PITPNM2: variants seen among roughly 807,000 people sequenced by gnomAD.
The protein encoded by PITPNM2 is membrane-associated phosphatidylinositol transfer protein 2.
A neutral mutation model predicts 132.2 loss-of-function variants in PITPNM2; 35 were observed. The observed-to-expected ratio is 0.26, with a 90% CI of 0.20 to 0.35. The LOEUF (loss-of-function observed/expected upper bound fraction) is 0.35. Among genes scored for constraint, PITPNM2 ranks in the 10% least tolerant of loss-of-function variants. The probability of loss-of-function intolerance (pLI) is 1.00; values close to 1 mark genes in which losing one functional copy is unlikely to be tolerated. For synonymous variants in PITPNM2, 738 were observed against 799.2 expected, an observed-to-expected ratio of 0.92 and a Z score of 1.29; for missense variants, 1,332 against 1,912.0, an observed-to-expected ratio of 0.70 and a Z score of 5.66.
chr12:123,011,680 G>A (rs1355702414), intron 5 of PITPNM2, among the ~76,000 whole-genome samples: 2 of 152,178 alleles, frequency 1.3e-5, no homozygotes, highest in Non-Finnish European at 2.9e-5. Flanking sequence ...CAGACACAGA[G>A]GGGAGTGACC....
chr12:123,088,719 A>G (rs2042181789), intron 2 of PITPNM2: 1 of 152,212 alleles, frequency 6.6e-6, no homozygotes, highest in Non-Finnish European at 1.5e-5. Flanking sequence ...TTCAGAAAAA[A>G]AGTTTACTCT....
In PITPNM2 at chr12:123,064,512, C is replaced by A. The variant is rs775193178; in HGVS notation, c.-95-29827G>T. ...CATCTTTCAACTGGCCCAAGCCCAT[C>A]GCGCACAGTCTGGCTCCTCTATCTT... On this transcript the variant is annotated intron_variant, in intron 2 of 25. Coordinates refer to ENST00000320201, the MANE Select transcript of PITPNM2 (RefSeq NM_020845.3). The surrounding 1 kb of genome is among the most constrained non-coding windows in gnomAD (Gnocchi z 4.0). Among the ~76,000 whole-genome samples the A allele has an allele frequency of 3.9e-5, 6 of 152,218 alleles. No individual in the cohort carries two copies. The highest frequency in any genetic ancestry group is 7.2e-5 in the African/African-American group (3 of 41,454).
chr12:123,112,760 T>G lies in PITPNM2; in HGVS notation c.-199-2272A>C, dbSNP rs185668743. Among the ~76,000 whole-genome samples the G allele has an allele frequency of 3.4e-3, 517 of 152,112 alleles. 2 individuals carry two copies. The highest frequency in any genetic ancestry group is 9.5e-3 in the African/African-American group (394 of 41,508). On this transcript the variant is annotated intron_variant, in intron 1 of 25. Coordinates refer to ENST00000320201, the MANE Select transcript of PITPNM2 (RefSeq NM_020845.3). ...TCACCATGTTAGCCAGGATGGTCTT[T>G]ATCTCCTGACCTCGTGATCCGCCCA...
At chr12:123,001,923 C>T (rs1470560823) in intron 8 of PITPNM2, among the ~76,000 whole-genome samples, 1 of 151,458 alleles carries the variant, frequency 6.6e-6, no homozygotes, top group African/African-American at 2.4e-5. Flanking sequence ...CTCAGCTACT[C>T]GGGAGGCTGA....
In PITPNM2 at chr12:123,082,190, T is replaced by G. The variant is rs550161476; in HGVS notation, c.-96+28195A>C. Among the ~76,000 whole-genome samples, 1 of 152,322 alleles carries G rather than the reference T, an allele frequency of 6.6e-6. No homozygotes were observed. Among genetic ancestry groups the G allele is most frequent in the African/African-American group, 2.4e-5 (1 of 41,578 alleles). On this transcript the variant is annotated intron_variant, in intron 2 of 25. Coordinates refer to ENST00000320201, the MANE Select transcript of PITPNM2 (RefSeq NM_020845.3). The surrounding 1 kb of genome is among the most constrained non-coding windows in gnomAD (Gnocchi z 5.4). ...CCACCTCTCCGCCCTGGCAAGGCCG[T>G]GGGCAAGTTCCTGCCTTGGGGCATC...
intron 1 of PITPNM2, among the ~76,000 whole-genome samples, chr12:123,118,373 T>C (rs949231156): frequency 1.4e-4 from 21 of 152,032 alleles, no homozygotes; most frequent in African/African-American, 5.1e-4. Flanking sequence ...GCTCACCACA[T>C]TTTCCCACCA....
At chr12:123,115,557 A>G (rs918297958) in intron 1 of PITPNM2, among the ~76,000 whole-genome samples, 1 of 152,058 alleles carries the variant, frequency 6.6e-6, no homozygotes, top group Non-Finnish European at 1.5e-5. Context: ...ACACACGCAC[A>G]CACACACATG....
chr12:123,027,909 C>T (rs2039923951), intron 3 of PITPNM2, among the ~76,000 whole-genome samples: 1 of 152,242 alleles, frequency 6.6e-6, no homozygotes, highest in Non-Finnish European at 1.5e-5. Context: ...GCTACTCAGT[C>T]ATGCCACTTA....
intron 19 of PITPNM2, 81 bp from the exon 20 acceptor site, chr12:122,988,431 C>T (rs918824815): frequency 6.7e-5 from 82 of 1,227,970 alleles, no homozygotes; most frequent in South Asian, 3.0e-4. Flanking sequence ...GCCCAGTACC[C>T]GGGAGCAAGA....
chr12:123,007,025 G>A (rs940904), intron 6 of PITPNM2, among the ~76,000 whole-genome samples: 110,001 of 152,136 alleles, frequency 0.72, 39,887 homozygotes, highest in East Asian at 0.84. Flanking sequence ...CACCATCGCC[G>A]GCGACAGGGA....
In PITPNM2 at chr12:123,107,630, C is replaced by T. The variant is rs550060274; in HGVS notation, c.-96+2755G>A. ...GCGAACCCCAGGGAGTGTGGCCTCC[C>T]TCCACCCCATGACTCTCGCTACCAG... On this transcript the variant is annotated intron_variant, in intron 2 of 25. Coordinates refer to ENST00000320201, the MANE Select transcript of PITPNM2 (RefSeq NM_020845.3). Among the ~76,000 whole-genome samples the T allele has an allele frequency of 2.0e-5, 3 of 152,322 alleles. No homozygotes were observed. The South Asian group carries it at 6.2e-4, about 32-fold the overall frequency.
Position 123,070,274 on chromosome 12 carries a change from T to G in PITPNM2, c.-95-35589A>C, listed in dbSNP as rs1391247186. Among the ~76,000 whole-genome samples the G allele has an allele frequency of 3.9e-5, 6 of 152,054 alleles. No homozygotes were observed. In the East Asian group the frequency reaches 1.2e-3, roughly 29 times the overall value. On this transcript the variant is annotated intron_variant, in intron 2 of 25. Coordinates refer to ENST00000320201, the MANE Select transcript of PITPNM2 (RefSeq NM_020845.3). ...ATCAGACTGCAAACAGAAGATCACA[T>G]CAAGTGGTGGTAACAAGGGCCTGGG...
chr12:123,115,483 A>T (rs1416220569), intron 1 of PITPNM2, among the ~76,000 whole-genome samples: 4 of 152,126 alleles, frequency 2.6e-5, no homozygotes, highest in African/African-American at 9.7e-5. Context: ...AGAGAAACTG[A>T]ACAAGCCTTG....
chr12:123,142,406 G>T (rs540042877), intron 1 of PITPNM2, among the ~76,000 whole-genome samples: 29 of 152,258 alleles, frequency 1.9e-4, no homozygotes, highest in Non-Finnish European at 3.4e-4. Flanking sequence ...CTTAGGGGAA[G>T]AATGAAGTCT....
intron 6 of PITPNM2, among the ~76,000 whole-genome samples, chr12:123,007,012 A>G (rs1199345124): frequency 6.6e-6 from 1 of 152,188 alleles, no homozygotes; most frequent in Non-Finnish European, 1.5e-5. Flanking sequence ...CAGCGAAGAA[A>G]CACACCATCG....
At chr12:123,116,131 A>C (rs2137390867) in intron 1 of PITPNM2, among the ~76,000 whole-genome samples, 1 of 152,286 alleles carries the variant, frequency 6.6e-6, no homozygotes, top group East Asian at 1.9e-4. Context: ...TGTTTTAGCC[A>C]ACAGTATGGG....
intron 16 of PITPNM2, chr12:122,991,675 G>T: frequency 7.9e-7 from 1 of 1,258,942 alleles, no homozygotes; most frequent in Non-Finnish European, 1.0e-6. Context: ...TGGCCAAGGA[G>T]GGCATGGATT....
chr12:123,148,761 C>T (rs2043669110), intron 1 of PITPNM2, among the ~76,000 whole-genome samples: 1 of 152,136 alleles, frequency 6.6e-6, no homozygotes, highest in Non-Finnish European at 1.5e-5. Flanking sequence ...GCACTAACCG[C>T]CCAGGAGCTC....
At chr12:123,037,387 T>C (rs2040308770) in intron 2 of PITPNM2, among the ~76,000 whole-genome samples, 1 of 152,210 alleles carries the variant, frequency 6.6e-6, no homozygotes, top group Admixed American at 6.5e-5. Flanking sequence ...TGGTTCTTCA[T>C]TGAAGCCCCA....
Sources: gnomAD v4.1 joint callset for allele counts (sites outside exome capture counted in the v4.1 genomes callset) on GRCh38, gnomAD v4.1.1 for gene constraint, Gnocchi (gnomAD v3.1) non-coding constraint, MANE v1.5 for transcripts, NCBI Gene and HGNC (gene_info 2026-07-23, HGNC 2026-07-21) for gene names.